The following LIMS1 variants were observed in gnomAD, a reference collection of about 807,000 sequenced individuals.
LIMS1 encodes LIM zinc finger domain containing 1.
LIMS1 carries 18 observed loss-of-function variants against 44.1 expected under a neutral mutation model. That is an observed-to-expected ratio of 0.41 (90% CI 0.28 to 0.61). The LOEUF is 0.61. LIMS1 is among the 20% of genes least tolerant of loss of function. The pLI is 0.32. For missense variants in LIMS1, 201 were observed against 422.0 expected, an observed-to-expected ratio of 0.48 and a Z score of 4.59; for synonymous variants, 93 against 149.1, an observed-to-expected ratio of 0.62 and a Z score of 2.74.
intron 1 of LIMS1, among the ~76,000 whole-genome samples, chr2:108,631,753 C>T (rs1390384437): frequency 1.3e-5 from 2 of 152,144 alleles, no homozygotes; most frequent in African/African-American, 2.4e-5. Flanking sequence ...TGCACACGTG[C>T]CCTTTCTTCA....
chr2:108,608,927 C>T (rs113716813), intron 1 of LIMS1, among the ~76,000 whole-genome samples: 59 of 152,220 alleles, frequency 3.9e-4, no homozygotes, highest in African/African-American at 1.2e-3. Context: ...GCCACTAGAA[C>T]GAGATGACAG....
chr2:108,543,623 G>C (rs1684385994), intron 1 of LIMS1, among the ~76,000 whole-genome samples: 1 of 152,174 alleles, frequency 6.6e-6, no homozygotes, highest in South Asian at 2.1e-4. Context: ...GACCCATTTA[G>C]ATGAAGTAAA....
intron 1 of LIMS1, among the ~76,000 whole-genome samples, chr2:108,610,716 TTAA>T (rs1475730305): frequency 6.6e-6 from 1 of 152,230 alleles, no homozygotes; most frequent in Non-Finnish European, 1.5e-5. Flanking sequence ...AGGCCATAGT[TTAA>T]TAATACATTT....
At chr2:108,663,263 C>T (rs1377810901) in intron 2 of LIMS1, among the ~76,000 whole-genome samples, 1 of 152,140 alleles carries the variant, frequency 6.6e-6, no homozygotes, top group Non-Finnish European at 1.5e-5. Context: ...GGACTACAGG[C>T]ACACACTACC....
chr2:108,563,679 CATTATTGAA>C (rs1176968104), intron 1 of LIMS1, among the ~76,000 whole-genome samples: 1 of 152,170 alleles, frequency 6.6e-6, no homozygotes, highest in Non-Finnish European at 1.5e-5. Context: ...TTCCTGTGAA[CATTATTGAA>C]ATGATAACAA....
chr2:108,613,512 C>T (rs1261243120), intron 1 of LIMS1, among the ~76,000 whole-genome samples: 1 of 152,076 alleles, frequency 6.6e-6, no homozygotes, highest in Non-Finnish European at 1.5e-5. Flanking sequence ...CCCTACACAT[C>T]TCTGTGTCCA....
chr2:108,630,458 CT>C (rs1338270504), intron 1 of LIMS1, among the ~76,000 whole-genome samples: 1 of 147,834 alleles, frequency 6.8e-6, no homozygotes, highest in African/African-American at 2.7e-5. Context: ...GACTTGATGA[CT>C]GTTGGAGTTG....
At chr2:108,632,260 C>T (rs1002836116) in intron 1 of LIMS1, among the ~76,000 whole-genome samples, 10 of 152,184 alleles carry the variant, frequency 6.6e-5, no homozygotes, top group African/African-American at 2.2e-4. Context: ...CTTGAGTCAC[C>T]GTGCCCAGCT....
intron 2 of LIMS1, among the ~76,000 whole-genome samples, chr2:108,665,474 G>A (rs937173326): frequency 2.1e-4 from 32 of 152,250 alleles, no homozygotes; most frequent in Admixed American, 8.5e-4. Context: ...GCTGAATTTA[G>A]AGACGTAGGC....
intron 1 of LIMS1, among the ~76,000 whole-genome samples, chr2:108,605,344 G>C (rs1687217657): frequency 6.6e-6 from 1 of 152,180 alleles, no homozygotes; most frequent in African/African-American, 2.4e-5. Flanking sequence ...TAATCCTGCA[G>C]AGTCTGTGAG....
exon 10 of LIMS1, chr2:108,684,025 CAAGAT>C (rs1693181052): frequency 1.7e-6 from 2 of 1,197,078 alleles, no homozygotes; most frequent in African/African-American, 3.1e-5. Context: ...CTTTTCTATG[CAAGAT>C]AAGAGATTAC....
chr2:108,679,809 G>A (rs1233582021), intron 8 of LIMS1, among the ~76,000 whole-genome samples: 2 of 152,142 alleles, frequency 1.3e-5, no homozygotes, highest in African/African-American at 4.8e-5. Flanking sequence ...CAGCTACACA[G>A]GAGAACGAGA....
intron 1 of LIMS1, among the ~76,000 whole-genome samples, chr2:108,635,429 T>TAAAAAAAAAAAAAAAA (rs70956264): frequency 3.5e-5 from 3 of 86,724 alleles, no homozygotes; most frequent in African/African-American, 1.5e-4. Flanking sequence ...ACTTCATCTC[T>TAAAAAAAAAAAAAAAA]AAAAAAAAAA....
intron 1 of LIMS1, among the ~76,000 whole-genome samples, chr2:108,598,996 T>C (rs1573408644): frequency 6.6e-6 from 1 of 152,266 alleles, no homozygotes; most frequent in African/African-American, 2.4e-5. Context: ...GGGGGTGATA[T>C]TTATCCCCTC....
At chr2:108,539,575 G>A (rs554457514) in intron 1 of LIMS1, among the ~76,000 whole-genome samples, 2 of 152,200 alleles carry the variant, frequency 1.3e-5, no homozygotes, top group African/African-American at 4.8e-5. Flanking sequence ...TAAATATGAA[G>A]GCAAATGCAA....
At chr2:108,621,543 A>G (rs1408300513) in intron 1 of LIMS1, 4 of 962,158 alleles carry the variant, frequency 4.2e-6, no homozygotes, top group Non-Finnish European at 6.5e-6. Context: ...AAGTGGATGC[A>G]GCGTTGGGAA....
intron 1 of LIMS1, among the ~76,000 whole-genome samples, chr2:108,576,874 G>A (rs1685689469): frequency 6.6e-6 from 1 of 152,144 alleles, no homozygotes; most frequent in Non-Finnish European, 1.5e-5. Context: ...GAGGTACAGA[G>A]CAATCAGGAT....
chr2:108,641,183 T>C (rs1166465995), intron 1 of LIMS1, among the ~76,000 whole-genome samples: 1 of 152,208 alleles, frequency 6.6e-6, no homozygotes, highest in Non-Finnish European at 1.5e-5. Context: ...AAGACTTAAA[T>C]GGGTGCCTGC....
At chr2:108,547,301 G>A (rs1473492292) in intron 1 of LIMS1, among the ~76,000 whole-genome samples, 1 of 152,188 alleles carries the variant, frequency 6.6e-6, no homozygotes, top group Non-Finnish European at 1.5e-5. Context: ...ATGGTATAGG[G>A]CAGAGGTGGA....
Sources: allele counts gnomAD v4.1 joint callset (sites outside exome capture counted in the v4.1 genomes callset), GRCh38; gene constraint gnomAD v4.1.1; transcripts MANE v1.5; gene names NCBI Gene and HGNC (gene_info 2026-07-23, HGNC 2026-07-21).